Variants in PDAP1 observed in about 807,000 individuals in gnomAD.
PDAP1 encodes PDGFA associated protein 1, also known as 28 kDa heat- and acid-stable phosphoprotein.
In PDAP1, 13 loss-of-function variants were observed where a neutral mutation model predicts 28.0. That is an observed-to-expected ratio of 0.46 (90% CI 0.30 to 0.74). PDAP1 has a LOEUF of 0.74. Among genes scored for constraint, PDAP1 ranks in the 30% least tolerant of loss-of-function variants. PDAP1 has a pLI of 0.07. For missense variants in PDAP1, 150 were observed against 230.0 expected (o/e 0.65, Z 2.25); for synonymous variants, 77 against 85.1 (o/e 0.91, Z 0.52).
At position 99,394,833 on chromosome 7, in the gene PDAP1, G is replaced by A; in HGVS notation, c.*1849C>T. 11 of 1,243,954 alleles carry A rather than the reference G, an allele frequency of 8.8e-6. No homozygotes were observed. The highest frequency in any genetic ancestry group is 1.1e-5 in the Non-Finnish European group (11 of 995,330). The allele number at this position is 1,243,954 out of a possible 1,614,324, so 77.1% of individuals were successfully genotyped here. ...ATGGACATGCTTGCCTATGTGGAAG[G>A]AGAGGTTTTTTGTTATTTCCTTGGG... On this transcript the variant is annotated 3_prime_UTR_variant, in exon 6 of 6. Transcript: ENST00000350498.
intron 2 of PDAP1, among the ~76,000 whole-genome samples, 193 bp from the exon 3 acceptor site, chr7:99,403,698 C>T (rs1230926345): frequency 2.0e-5 from 3 of 152,148 alleles, no homozygotes; most frequent in African/African-American, 7.2e-5. Flanking sequence ...GCAGCCTATG[C>T]ACTTAGCACC....
chr7:99,408,470 G>A, intron 1 of PDAP1, 66 bp downstream of exon 1: 6 of 1,319,038 alleles, frequency 4.5e-6, no homozygotes, highest in Non-Finnish European at 5.9e-6. Flanking sequence ...ACGGGCTGAG[G>A]GGACAGCGGA....
intron 2 of PDAP1, 113 bp from the exon 3 acceptor site, chr7:99,403,618 T>G: frequency 2.5e-6 from 2 of 788,232 alleles, no homozygotes; most frequent in South Asian, 2.8e-5. Flanking sequence ...TCTGGAAGGC[T>G]GGAACCAAGG....
intron 1 of PDAP1, among the ~76,000 whole-genome samples, chr7:99,405,869 C>T (rs928612487): frequency 2.0e-5 from 3 of 152,190 alleles, no homozygotes; most frequent in Non-Finnish European, 2.9e-5. Flanking sequence ...TGTGTCCCTA[C>T]CTTACAGGGT....
chr7:99,406,334 A>G (rs1794971021), intron 1 of PDAP1, among the ~76,000 whole-genome samples: 1 of 152,228 alleles, frequency 6.6e-6, no homozygotes, highest in South Asian at 2.1e-4. Flanking sequence ...CACTGAGCAC[A>G]TAAGCAATTT....
intron 4 of PDAP1, among the ~76,000 whole-genome samples, chr7:99,399,200 G>A (rs1794816865): frequency 6.6e-6 from 1 of 152,110 alleles, no homozygotes; most frequent in African/African-American, 2.4e-5. Flanking sequence ...AGAGGGGAGG[G>A]AGAGGGACTC....
chr7:99,401,074 G>C (rs540060236), intron 3 of PDAP1, among the ~76,000 whole-genome samples: 2 of 152,126 alleles, frequency 1.3e-5, no homozygotes, highest in African/African-American at 4.8e-5. Flanking sequence ...TAAGGGGGCA[G>C]GGAGACAGCT....
intron 1 of PDAP1, chr7:99,406,577 C>T (rs1794975763): frequency 1.0e-6 from 1 of 985,250 alleles, no homozygotes; most frequent in Non-Finnish European, 1.2e-6. Context: ...CCTCTTCAGC[C>T]AGAACACCAG....
chr7:99,402,112 C>T (rs1794878029), intron 3 of PDAP1, among the ~76,000 whole-genome samples: 1 of 151,372 alleles, frequency 6.6e-6, no homozygotes, highest in African/African-American at 2.4e-5. Flanking sequence ...TACGGTAGTC[C>T]CAGCTATTCG....
chr7:99,405,570 G>A (rs1258125505), intron 1 of PDAP1, among the ~76,000 whole-genome samples: 5 of 151,864 alleles, frequency 3.3e-5, no homozygotes. Flanking sequence ...ATGTTGGTTG[G>A]CTAGAATGGT....
At chr7:99,407,090 G>A (rs1420649187) in intron 1 of PDAP1, among the ~76,000 whole-genome samples, 1 of 152,158 alleles carries the variant, frequency 6.6e-6, no homozygotes, top group Non-Finnish European at 1.5e-5. Flanking sequence ...GACTCTTCAA[G>A]ACTTTAAAAA....
In PDAP1 at chr7:99,400,298, G is replaced by A. The variant is rs1584419568; in HGVS notation, c.335+5C>T. On this transcript the variant is annotated splice_donor_5th_base_variant and intron_variant, in intron 4 of 5. Coordinates refer to ENST00000350498, the MANE Select transcript of PDAP1 (RefSeq NM_014891.7). Reference sequence around the variant, plus strand: ...CGTGACACAAGGCCCAGCCAGTGATGTTACCGTTCTCTCCTCGAAAGCTCC... The same window carrying A: ...CGTGACACAAGGCCCAGCCAGTGATATTACCGTTCTCTCCTCGAAAGCTCC... The A allele has an allele frequency of 6.2e-7, 1 of 1,613,300 alleles. No individual in the cohort carries two copies. The highest frequency in any genetic ancestry group is 1.7e-5 in the Admixed American group (1 of 59,998).
chr7:99,402,984 G>A (rs1030747023), intron 3 of PDAP1, among the ~76,000 whole-genome samples: 5 of 151,238 alleles, frequency 3.3e-5, no homozygotes, highest in Non-Finnish European at 5.9e-5. Context: ...GGACCACTCC[G>A]CTCCTTACCC....
intron 3 of PDAP1, among the ~76,000 whole-genome samples, chr7:99,402,978 C>A (rs1235975765): frequency 6.6e-6 from 1 of 152,126 alleles, no homozygotes; most frequent in Non-Finnish European, 1.5e-5. Context: ...GCATCTGGAC[C>A]ACTCCGCTCC....
chr7:99,403,379 C>T lies in PDAP1; in HGVS notation c.213+19G>A. On this transcript the variant is annotated intron_variant, in intron 3 of 5. Transcript: ENST00000350498. The stretch of plus-strand genomic sequence containing the variant: ...GAATGAATGAGTCCAGGCTCTAGGC[C>T]CTCAAAAGAACTCAGTACCTGGTAG... 3 of 1,435,420 alleles carry T rather than the reference C, an allele frequency of 2.1e-6. No homozygotes were observed. Among genetic ancestry groups the T allele is most frequent in the Non-Finnish European group, 2.9e-6 (3 of 1,016,984 alleles). 88.9% of individuals were successfully genotyped at this position (1,435,420 alleles called of 1,614,324 possible).
rs1554350863 is a variant in PDAP1 at position 99,394,719 on chromosome 7, C to T, written c.*1963G>A. ...TATTGAAAAAAAAAAAAAATGCCCC[C>T]AAAGCACTATGCTGGTCATGAACTG... is the stretch of plus-strand genomic sequence containing the variant. On this transcript the variant is annotated 3_prime_UTR_variant, in exon 6 of 6. Transcript: ENST00000350498. 1 of 1,305,466 alleles carries T rather than the reference C, an allele frequency of 7.7e-7. No homozygotes were observed. The highest frequency in any genetic ancestry group is 9.6e-7 in the Non-Finnish European group (1 of 1,038,410). 80.9% of individuals were successfully genotyped at this position (1,305,466 alleles called of 1,614,324 possible). A position where few individuals can be genotyped will look rare whatever the true frequency, so the allele number is the denominator to read the frequency against.
chr7:99,394,835 G>C lies in PDAP1; in HGVS notation c.*1847C>G. ...GGACATGCTTGCCTATGTGGAAGGA[G>C]AGGTTTTTTGTTATTTCCTTGGGGT... On this transcript the variant is annotated 3_prime_UTR_variant, in exon 6 of 6. Coordinates refer to ENST00000350498, the MANE Select transcript of PDAP1 (RefSeq NM_014891.7). 1 of 1,242,046 alleles carries C rather than the reference G, an allele frequency of 8.1e-7. No homozygotes were observed. Among genetic ancestry groups the C allele is most frequent in the African/African-American group, 1.6e-5 (1 of 63,930 alleles). The allele number at this position is 1,242,046 out of a possible 1,614,324, so 76.9% of individuals were successfully genotyped here.
At chr7:99,404,430 T>C (rs1046042107) in intron 2 of PDAP1, among the ~76,000 whole-genome samples, 2 of 151,946 alleles carry the variant, frequency 1.3e-5, no homozygotes, top group African/African-American at 4.8e-5. Flanking sequence ...CTAAACAACG[T>C]CTCCAGGGAT....
At chr7:99,405,003 C>T (rs1404897128) in intron 1 of PDAP1, 50 bp from the exon 2 acceptor site, 1 of 1,393,028 alleles carries the variant, frequency 7.2e-7, no homozygotes, top group Non-Finnish European at 1.0e-6. Flanking sequence ...CTTGACTGCT[C>T]TGACCCCCAG....
Sources: gnomAD v4.1 joint callset for allele counts (sites outside exome capture counted in the v4.1 genomes callset) on GRCh38, gnomAD v4.1.1 for gene constraint, MANE v1.5 for transcripts, NCBI Gene and HGNC (gene_info 2026-07-23, HGNC 2026-07-21) for gene names.